The following CC2D1B variants were observed in gnomAD, a reference collection of about 807,000 sequenced individuals.
The protein encoded by CC2D1B is coiled-coil and C2 domain-containing protein 1B.
Under a neutral mutation model 110.8 loss-of-function variants are expected in CC2D1B, and 92 were observed. The observed-to-expected ratio is 0.83, with a 90% CI of 0.70 to 0.99. The LOEUF (loss-of-function observed/expected upper bound fraction) is 0.99. CC2D1B is among the 50% of genes least tolerant of loss of function. The pLI is 0.00. For missense variants in CC2D1B, 1,136 were observed against 1,089.0 expected (o/e 1.04, Z -0.61); for synonymous variants, 406 against 429.2 (o/e 0.95, Z 0.67).
At position 52,363,284 on chromosome 1, in the gene CC2D1B, A is replaced by G. The variant is rs1267920358; in HGVS notation, c.70-538T>C. ...GTGGCGGGCGCCTGTAGTCCCAGCT[A>G]CTCGGGAGGCTGAGGCAGGAGAATG... On this transcript the variant is annotated intron_variant, in intron 2 of 24. Coordinates refer to ENST00000284376, the MANE Select transcript of CC2D1B (RefSeq NM_001330585.2). Among the ~76,000 whole-genome samples, 4 of 151,352 alleles carry G rather than the reference A, an allele frequency of 2.6e-5. 1 individual carries two copies. In the East Asian group the frequency reaches 7.9e-4, roughly 30 times the overall value.
In CC2D1B at chr1:52,356,283, C is replaced by G; in HGVS notation, c.1957G>C (p.Asp653His). ...ETTRFEKLAQ[D>H]RKKQLEILQL... is the part of the protein sequence containing the mutation. ...AGGATCTCCAGCTGTTTCTTGCGGTCCTGAGCAAGCTTCTCAAATCTGACA... is the reference window on the plus strand; with the variant it reads ...AGGATCTCCAGCTGTTTCTTGCGGTGCTGAGCAAGCTTCTCAAATCTGACA... The change falls in exon 18 of 25, where the codon GAC becomes CAC. Residue 653 changes from aspartate (D) to histidine (H), a missense_variant. Asp to His is a moderately conservative substitution (Grantham distance 81). Transcript: ENST00000284376. 1 of 1,614,176 alleles carries G rather than the reference C, an allele frequency of 6.2e-7. No individual in the cohort carries two copies. The highest frequency in any genetic ancestry group is 8.5e-7 in the Non-Finnish European group (1 of 1,180,036).
chr1:52,353,302 G>GATAA, intron 24 of CC2D1B, 79 bp from the exon 25 acceptor site: 1 of 1,348,324 alleles, frequency 7.4e-7, no homozygotes, highest in Non-Finnish European at 9.5e-7. Flanking sequence ...GTTTCCTGAA[G>GATAA]ATAGATAGAT....
intron 5 of CC2D1B, 189 bp from the exon 6 acceptor site, chr1:52,360,738 C>T: frequency 1.0e-6 from 1 of 982,186 alleles, no homozygotes. Flanking sequence ...AATACAGAGC[C>T]CCACTTGGTG....
chr1:52,358,194 T>C lies in CC2D1B; in HGVS notation c.1461+137A>G, dbSNP rs889073088. 5.1e-5 allele frequency: 65 copies of C among 1,280,186 alleles called. No homozygotes were observed. In the African/African-American group the frequency reaches 7.6e-4, roughly 15 times the overall value. 79.3% of individuals were successfully genotyped at this position (1,280,186 alleles called of 1,614,324 possible). A position where few individuals can be genotyped will look rare whatever the true frequency, so the allele number is the denominator to read the frequency against. ...CTGCTATTTCCTAGCTGGGTGTCCT[T>C]GGGCAAGTTTTTTCTCTGTACAGTG... On this transcript the variant is annotated intron_variant, in intron 13 of 24. Coordinates refer to ENST00000284376, the MANE Select transcript of CC2D1B (RefSeq NM_001330585.2).
At chr1:52,360,951 A>G in intron 5 of CC2D1B, 23 bp downstream of exon 5, 4 of 1,613,064 alleles carry the variant, frequency 2.5e-6, no homozygotes, top group Non-Finnish European at 2.5e-6. Context: ...TCAGAGGCAC[A>G]GGGGCCCTCC....
At chr1:52,361,719 T>C in intron 3 of CC2D1B, 103 bp from the exon 4 acceptor site, 1 of 1,419,732 alleles carries the variant, frequency 7.0e-7, no homozygotes, top group Admixed American at 1.7e-5. Flanking sequence ...CCCTCTTCCC[T>C]CCCACAGCAG....
intron 11 of CC2D1B, 106 bp downstream of exon 11, chr1:52,358,919 CAG>C (rs1280979023): frequency 6.6e-7 from 1 of 1,511,976 alleles, no homozygotes; most frequent in Non-Finnish European, 9.0e-7. Flanking sequence ...GAGAGACAAA[CAG>C]ATGATGGTTC....
Position 52,358,389 on chromosome 1 carries a change from G to T in CC2D1B, c.1403C>A (p.Ala468Asp). The change falls in exon 13 of 25, where the codon GCT (alanine) becomes GAT (aspartate). Residue 468 changes from alanine to aspartate, a missense_variant. Physicochemically the swap from Ala to Asp is moderately radical, Grantham distance 126 (BLOSUM62 -2). Coordinates refer to ENST00000284376, the MANE Select transcript of CC2D1B (RefSeq NM_001330585.2). ...EEDAVAATLA[A>D]AEKLASAEDS... ...CTCTGCAGAGGCCAGTTTCTCTGCA[G>T]CTGCCAATGTCGCTGCCACTGCGTC... The T allele has an allele frequency of 3.1e-6, 5 of 1,614,130 alleles. No homozygotes were observed. The highest frequency in any genetic ancestry group is 3.4e-6 in the Non-Finnish European group (4 of 1,180,032).
At chr1:52,360,828 T>G in intron 5 of CC2D1B, 146 bp downstream of exon 5, 1 of 1,076,642 alleles carries the variant, frequency 9.3e-7, no homozygotes, top group Non-Finnish European at 1.3e-6. Context: ...AGGAGTTTCT[T>G]GTGCTCAGTT....
rs1646724702 is a variant in CC2D1B at position 52,359,240 on chromosome 1, C to G, written c.1126+10G>C. The G allele has an allele frequency of 6.2e-7, 1 of 1,611,796 alleles. No individual in the cohort carries two copies. Among genetic ancestry groups the G allele is most frequent in the African/African-American group, 1.3e-5 (1 of 75,046 alleles). On this transcript the variant is annotated intron_variant, in intron 10 of 24. Coordinates refer to ENST00000284376, the MANE Select transcript of CC2D1B (RefSeq NM_001330585.2). ...GGTCCCCACGCCACAGTCCCACCAT[C>G]CTGCCCTACCTGGGGTTGCTGGGAC...
In CC2D1B at chr1:52,364,637, A is replaced by G. The variant is rs1267721224; in HGVS notation, c.-14-3T>C. On this transcript the variant is annotated splice_region_variant and splice_polypyrimidine_tract_variant and intron_variant, in intron 1 of 24. Transcript: ENST00000284376. ...TGGCATCATGGCAGCCTAGATACCT[A>G]TGGAAGAGTTACAGAGATTCAGGCT... The G allele has an allele frequency of 6.3e-7, 1 of 1,594,458 alleles. No individual in the cohort carries two copies. The highest frequency in any genetic ancestry group is 1.1e-5 in the South Asian group (1 of 89,998).
At chr1:52,354,120 A>G (rs1351082908) in intron 23 of CC2D1B, among the ~76,000 whole-genome samples, 2 of 152,196 alleles carry the variant, frequency 1.3e-5, no homozygotes, top group Non-Finnish European at 2.9e-5. Flanking sequence ...GCAGTACAAT[A>G]GGCCCAAGAA....
intron 18 of CC2D1B, 105 bp downstream of exon 18, chr1:52,356,081 G>A (rs1002499798): frequency 3.7e-6 from 4 of 1,071,658 alleles, no homozygotes; most frequent in Non-Finnish European, 5.7e-6. Flanking sequence ...CCCACAGCGG[G>A]GCCAGGCTTG....
chr1:52,361,982 T>C (rs534384313), intron 3 of CC2D1B, among the ~76,000 whole-genome samples: 14 of 152,342 alleles, frequency 9.2e-5, no homozygotes, highest in African/African-American at 2.6e-4. Context: ...TTTTCATATA[T>C]TGAATAAACT....
intron 8 of CC2D1B, 27 bp from the exon 9 acceptor site, chr1:52,359,561 G>C (rs1193307381): frequency 3.1e-6 from 5 of 1,610,482 alleles, no homozygotes; most frequent in African/African-American, 2.7e-5. Context: ...AGCAGGTGTG[G>C]GTGAAAGACA....
Position 52,360,150 on chromosome 1 carries a change from C to T in CC2D1B, c.687G>A (p.Lys229=), listed in dbSNP as rs1250303338. ...DEIPPPVALG[K]RPLAPQEPAN... is the part of the protein sequence containing the mutation. ...CTGGTTCCTGGGGGGCCAGGGGCCGCTTTCCTAAGGCCACTGGAGGTGGGA... is the reference window on the plus strand; with the variant it reads ...CTGGTTCCTGGGGGGCCAGGGGCCGTTTTCCTAAGGCCACTGGAGGTGGGA... The change falls in exon 7 of 25, where the codon AAG becomes AAA. Residue 229 remains lysine, a synonymous_variant. Transcript: ENST00000284376. 6.2e-7 allele frequency: 1 copy of T among 1,612,528 alleles called. No individual in the cohort carries two copies. Among genetic ancestry groups the T allele is most frequent in the Non-Finnish European group, 8.5e-7 (1 of 1,179,374 alleles).
chr1:52,354,489 C>T, intron 23 of CC2D1B, 119 bp downstream of exon 23: 1 of 887,630 alleles, frequency 1.1e-6, no homozygotes, highest in East Asian at 2.4e-5. Flanking sequence ...TCTAAGCACA[C>T]TTGTGGAGAA....
rs576716966 is a variant in CC2D1B, at chr1:52,361,699, A to G, written c.215-83T>C. On this transcript the variant is annotated intron_variant, in intron 3 of 24. Coordinates refer to ENST00000284376, the MANE Select transcript of CC2D1B (RefSeq NM_001330585.2). Reference sequence around the variant, plus strand: ...AAGGAGGGGCTTGGTAGATCCACCCAGGCAGAAATCCCTCTTCCCTCCCAC... The same window carrying G: ...AAGGAGGGGCTTGGTAGATCCACCCGGGCAGAAATCCCTCTTCCCTCCCAC... 9 of 1,538,530 alleles carry G rather than the reference A, an allele frequency of 5.8e-6. No homozygotes were observed. In the South Asian group the frequency reaches 1.0e-4, roughly 17 times the overall value.
intron 3 of CC2D1B, among the ~76,000 whole-genome samples, chr1:52,362,172 G>C (rs1310371283): frequency 6.6e-6 from 1 of 152,148 alleles, no homozygotes; most frequent in African/African-American, 2.4e-5. Context: ...TTCTCTGAGG[G>C]TTCCCGGTGA....
Sources: allele counts gnomAD v4.1 joint callset (sites outside exome capture counted in the v4.1 genomes callset), GRCh38; gene constraint gnomAD v4.1.1; transcripts MANE v1.5; gene names NCBI Gene and HGNC (gene_info 2026-07-23, HGNC 2026-07-21).